Variants in FGD3 observed in about 807,000 individuals in gnomAD.
The protein encoded by FGD3 is FYVE, RhoGEF and PH domain-containing protein 3.
In FGD3, 45 loss-of-function variants were observed where a neutral mutation model predicts 71.8. The observed-to-expected ratio is 0.63, with a 90% confidence interval of 0.49 to 0.80. The LOEUF is 0.80. Ranked by LOEUF, FGD3 falls within the 30% of genes least tolerant of loss-of-function variation. FGD3 has a pLI of 0.00. For missense variants in FGD3, 844 were observed against 951.5 expected, an observed-to-expected ratio of 0.89 and a Z score of 1.49; for synonymous variants, 378 against 392.8, an observed-to-expected ratio of 0.96 and a Z score of 0.44.
intron 3 of FGD3, among the ~76,000 whole-genome samples, chr9:92,992,457 G>T (rs1193275604): frequency 6.6e-6 from 1 of 152,218 alleles, no homozygotes; most frequent in Non-Finnish European, 1.5e-5. Flanking sequence ...GTTGGTTAAA[G>T]ATTTTATTCC....
intron 14 of FGD3, among the ~76,000 whole-genome samples, chr9:93,023,232 G>A (rs1157401590): frequency 6.6e-6 from 1 of 152,178 alleles, no homozygotes; most frequent in African/African-American, 2.4e-5. Context: ...CCCCATCCAA[G>A]ACGGGTCTTT....
chr9:93,020,586 TA>T, intron 13 of FGD3, 162 bp downstream of exon 13: 1 of 614,108 alleles, frequency 1.6e-6, no homozygotes, highest in Non-Finnish European at 2.9e-6. Context: ...AATAAAAACT[TA>T]AGACAAATTA....
chr9:92,958,580 T>C, intron 1 of FGD3, among the ~76,000 whole-genome samples: 1 of 152,248 alleles, frequency 6.6e-6, no homozygotes. Context: ...GAAGAAGTTG[T>C]TTATAAAGTT....
intron 16 of FGD3, 138 bp downstream of exon 16, chr9:93,033,011 T>A: frequency 1.2e-6 from 1 of 864,180 alleles, no homozygotes; most frequent in Non-Finnish European, 1.9e-6. Context: ...TGTGTCTCAG[T>A]GGGGCCCCCA....
At chr9:93,035,254 C>G (rs954713429) in intron 17 of FGD3, 84 bp from the exon 18 acceptor site, 1 of 1,524,726 alleles carries the variant, frequency 6.6e-7, no homozygotes, top group Non-Finnish European at 8.8e-7. Flanking sequence ...CTGGGAGTGG[C>G]CTCCTGGGAG....
At chr9:92,966,391 C>T (rs555970002) in intron 1 of FGD3, among the ~76,000 whole-genome samples, 4 of 152,330 alleles carry the variant, frequency 2.6e-5, no homozygotes, top group South Asian at 4.1e-4. Context: ...TGCTGCCTGC[C>T]GGTGAGTGTC....
At chr9:92,983,040 C>T (rs1220978229) in intron 3 of FGD3, among the ~76,000 whole-genome samples, 2 of 151,212 alleles carry the variant, frequency 1.3e-5, no homozygotes, top group Admixed American at 6.6e-5. Context: ...GAGCTGAGAT[C>T]GTACCACTGT....
intron 3 of FGD3, among the ~76,000 whole-genome samples, chr9:92,997,883 T>C (rs1860708943): frequency 6.6e-6 from 1 of 152,246 alleles, no homozygotes; most frequent in Non-Finnish European, 1.5e-5. Context: ...CCAACCTTTC[T>C]CTCTGGCTGC....
At chr9:93,033,269 AG>A (rs1413716945) in intron 16 of FGD3, 2 of 312,356 alleles carry the variant, frequency 6.4e-6, no homozygotes, top group Admixed American at 4.3e-5. Flanking sequence ...AGGGCCCTGG[AG>A]GCAGGCACCC....
rs1196051872 is a variant in FGD3, at chr9:92,975,314, C to T, written c.-141C>T. 1 of 152,568 alleles carries T rather than the reference C, an allele frequency of 6.6e-6. No homozygotes were observed. The highest frequency in any genetic ancestry group is 6.5e-5 in the Admixed American group (1 of 15,284). The allele number at this position is 152,568 out of a possible 1,614,324, so 9.5% of individuals were successfully genotyped here. ...AAGGAAACCATCTACCGTGTGCAAGCTCCTGCCGGCCAACCCCAGACCCCA... is the reference window on the plus strand; with the variant it reads ...AAGGAAACCATCTACCGTGTGCAAGTTCCTGCCGGCCAACCCCAGACCCCA... On this transcript the variant is annotated 5_prime_UTR_variant, in exon 2 of 18. Coordinates refer to ENST00000375482, the MANE Select transcript of FGD3 (RefSeq NM_001083536.2).
At position 93,003,104 on chromosome 9, in the gene FGD3, TCAGA is replaced by T. The variant is rs1423986259; in HGVS notation, c.543+93_543+96del. Reference sequence around the variant, plus strand: ...GTGTGAATGACTTAAATACTAAAACTCAGACAAATTTAAGTCTGGTCTACAAACT... The same window carrying T: ...GTGTGAATGACTTAAATACTAAAACTCAAATTTAAGTCTGGTCTACAAACT... On this transcript the variant is annotated intron_variant, in intron 4 of 17. Transcript: ENST00000375482. This position sits in a 1 kb window ranked among gnomAD's most constrained non-coding sequence, Gnocchi z 4.1. The T allele has an allele frequency of 1.6e-6, 2 of 1,221,070 alleles. No individual in the cohort carries two copies. Among genetic ancestry groups the T allele is most frequent in the Non-Finnish European group, 2.3e-6 (2 of 851,940 alleles). The allele number at this position is 1,221,070 out of a possible 1,614,324, so 75.6% of individuals were successfully genotyped here. A position where few individuals can be genotyped will look rare whatever the true frequency, so the allele number is the denominator to read the frequency against.
chr9:93,015,697 G>A (rs1463782483), intron 9 of FGD3, 40 bp from the exon 10 acceptor site: 17 of 1,567,044 alleles, frequency 1.1e-5, no homozygotes, highest in Non-Finnish European at 1.4e-5. Flanking sequence ...GGGGACCTGC[G>A]GGCAGCTCTC....
chr9:93,028,995 GTTTTTTTTTTTTTTTTTTTTTTTTT>G (rs869235976), intron 14 of FGD3, among the ~76,000 whole-genome samples: 107 of 51,758 alleles, frequency 2.1e-3, no homozygotes, highest in South Asian at 0.013. Flanking sequence ...TGTCCTCACA[GTTTTTTTTTTTTTTTTTTTTTTTTT>G]TTTTTTTTTT....
chr9:93,023,085 C>T (rs920315372), intron 14 of FGD3, among the ~76,000 whole-genome samples: 12 of 152,208 alleles, frequency 7.9e-5, no homozygotes, highest in Non-Finnish European at 1.5e-4. Flanking sequence ...CACTCACCAA[C>T]GCTGACAGCA....
chr9:92,972,452 CA>C (rs34573109), intron 1 of FGD3, among the ~76,000 whole-genome samples: 6,673 of 63,194 alleles, frequency 0.11, 184 homozygotes, highest in African/African-American at 0.21. Context: ...GACTCCATCT[CA>C]AAAAAAAAAA....
intron 14 of FGD3, among the ~76,000 whole-genome samples, chr9:93,028,028 CTTAAACCTGAAGAGTTTATG>C (rs1056591926): frequency 6.6e-6 from 1 of 152,062 alleles, no homozygotes; most frequent in African/African-American, 2.4e-5. Context: ...CCTCCTTCTC[CTTAAACCTGAAGAGTTTATG>C]TTAAACTTTT....
intron 1 of FGD3, among the ~76,000 whole-genome samples, chr9:92,958,584 T>C (rs888013661): frequency 6.6e-6 from 1 of 152,258 alleles, no homozygotes; most frequent in Admixed American, 6.5e-5. Context: ...AAGTTGTTTA[T>C]AAAGTTTTTT....
chr9:93,010,403 C>G lies in FGD3; in HGVS notation c.976+19C>G, dbSNP rs747635812. On this transcript the variant is annotated intron_variant, in intron 7 of 17. Transcript: ENST00000375482. ...GCGGAGAGTGAGCTGGGGCCAAGGG[C>G]TCCCAGGAGGGTGCAGGGGCACCTG... 3.1e-6 allele frequency: 5 copies of G among 1,595,620 alleles called. No individual in the cohort carries two copies. The African/African-American group carries it at 5.4e-5, about 17-fold the overall frequency.
intron 10 of FGD3, among the ~76,000 whole-genome samples, chr9:93,016,816 G>A (rs1488418484): frequency 5.5e-5 from 8 of 144,772 alleles, no homozygotes; most frequent in African/African-American, 2.1e-4. Context: ...TAGAGACGGG[G>A]TTTCACCATG....
Sources: allele counts gnomAD v4.1 joint callset (sites outside exome capture counted in the v4.1 genomes callset), GRCh38; gene constraint gnomAD v4.1.1; non-coding constraint Gnocchi (gnomAD v3.1); transcripts MANE v1.5; gene names NCBI Gene and HGNC (gene_info 2026-07-23, HGNC 2026-07-21).